The following SLC38A6 variants were observed in gnomAD, a reference collection of about 807,000 sequenced individuals.
SLC38A6 encodes solute carrier family 38 member 6.
Under a neutral mutation model 65.0 loss-of-function variants are expected in SLC38A6, and 73 were observed. That is an observed-to-expected ratio of 1.12 (90% CI 0.93 to 1.37). The LOEUF (loss-of-function observed/expected upper bound fraction) is 1.37, where lower values mean the gene tolerates loss of function less well. SLC38A6 is among the 40% of genes most tolerant of loss of function. The pLI, the probability that SLC38A6 is intolerant of heterozygous loss-of-function variation, is 0.00. For synonymous variants in SLC38A6, 183 were observed against 178.8 expected, an observed-to-expected ratio of 1.02 and a Z score of -0.19; for missense variants, 561 against 531.1, an observed-to-expected ratio of 1.06 and a Z score of -0.55.
intron 15 of SLC38A6, among the ~76,000 whole-genome samples, chr14:61,065,712 G>A (rs970708875): frequency 2.6e-5 from 4 of 152,158 alleles, no homozygotes; most frequent in Non-Finnish European, 4.4e-5. Context: ...TTTAGGGCCT[G>A]GGAATAAGGT....
At chr14:60,990,248 C>G (rs2037762244) in intron 3 of SLC38A6, among the ~76,000 whole-genome samples, 1 of 152,168 alleles carries the variant, frequency 6.6e-6, no homozygotes, top group Admixed American at 6.5e-5. Context: ...CCAGGCTGGT[C>G]TCAAACTTCT....
intron 12 of SLC38A6, chr14:61,048,041 T>G (rs1414279778): frequency 5.0e-6 from 2 of 400,168 alleles, no homozygotes; most frequent in East Asian, 1.4e-4. Context: ...ATAGAATAAA[T>G]GATACAAAAG....
chr14:60,993,902 T>C (rs546281194), intron 3 of SLC38A6, among the ~76,000 whole-genome samples: 1 of 152,308 alleles, frequency 6.6e-6, no homozygotes, highest in South Asian at 2.1e-4. Flanking sequence ...ACACATGTAT[T>C]AGAATGACAA....
chr14:61,011,111 G>T (rs1435020496), intron 3 of SLC38A6, among the ~76,000 whole-genome samples: 1 of 152,094 alleles, frequency 6.6e-6, no homozygotes, highest in African/African-American at 2.4e-5. Flanking sequence ...TTCTAAGTTG[G>T]ATTCCTAGGT....
At chr14:61,071,551 G>A (rs572341812) in intron 15 of SLC38A6, among the ~76,000 whole-genome samples, 3 of 151,926 alleles carry the variant, frequency 2.0e-5, no homozygotes, top group Non-Finnish European at 4.4e-5. Flanking sequence ...GTGTGGTGGC[G>A]TGTGGCCATA....
chr14:61,065,204 A>C (rs1322739313), intron 15 of SLC38A6, among the ~76,000 whole-genome samples: 1 of 152,144 alleles, frequency 6.6e-6, no homozygotes, highest in Non-Finnish European at 1.5e-5. Flanking sequence ...GAAAATACTA[A>C]AGATTCTCTG....
At chr14:61,003,571 C>G (rs1279170852) in intron 3 of SLC38A6, among the ~76,000 whole-genome samples, 1 of 152,132 alleles carries the variant, frequency 6.6e-6, no homozygotes. Context: ...TACCAGTTTA[C>G]ACTGTTTTCA....
At chr14:61,080,976 A>C (rs1334953790) in intron 16 of SLC38A6, among the ~76,000 whole-genome samples, 3 of 152,150 alleles carry the variant, frequency 2.0e-5, no homozygotes, top group East Asian at 1.9e-4. Flanking sequence ...TACAACACTC[A>C]CTGCTATTAA....
chr14:61,046,424 C>T (rs1195226217), intron 12 of SLC38A6, among the ~76,000 whole-genome samples: 2 of 152,270 alleles, frequency 1.3e-5, no homozygotes, highest in South Asian at 2.1e-4. Context: ...GGCTTAGGGA[C>T]ATGATTCTTT....
chr14:60,999,606 T>C (rs1278111834), intron 3 of SLC38A6, among the ~76,000 whole-genome samples: 5 of 152,164 alleles, frequency 3.3e-5, no homozygotes, highest in Non-Finnish European at 7.3e-5. Flanking sequence ...ATTGTTACCT[T>C]ATATGGCAAA....
chr14:61,040,869 AC>A (rs1483815497), intron 8 of SLC38A6, among the ~76,000 whole-genome samples: 2 of 152,180 alleles, frequency 1.3e-5, no homozygotes, highest in African/African-American at 4.8e-5. Context: ...TGGAAATTTA[AC>A]CTGGACACTA....
intron 15 of SLC38A6, among the ~76,000 whole-genome samples, chr14:61,073,088 G>T (rs189909076): frequency 1.1e-3 from 163 of 152,244 alleles, no homozygotes; most frequent in African/African-American, 3.9e-3. Flanking sequence ...TTTTATTGGG[G>T]TGAGATGATA....
intron 5 of SLC38A6, among the ~76,000 whole-genome samples, chr14:61,023,143 A>C (rs2139602540): frequency 6.6e-6 from 1 of 152,348 alleles, no homozygotes; most frequent in East Asian, 1.9e-4. Context: ...GAGACAATTG[A>C]ATATACTATG....
intron 15 of SLC38A6, among the ~76,000 whole-genome samples, chr14:61,069,848 T>G (rs1366969644): frequency 1.3e-5 from 2 of 152,162 alleles, no homozygotes; most frequent in African/African-American, 2.4e-5. Flanking sequence ...CCAGTTTTCC[T>G]CCTTGGAAGC....
At chr14:61,064,860 T>G (rs1016836681) in intron 15 of SLC38A6, among the ~76,000 whole-genome samples, 4 of 152,176 alleles carry the variant, frequency 2.6e-5, no homozygotes, top group Non-Finnish European at 4.4e-5. Context: ...GACTATAAAT[T>G]ACTTTCGTAT....
intron 5 of SLC38A6, among the ~76,000 whole-genome samples, chr14:61,026,165 A>G (rs554342511): frequency 1.2e-4 from 19 of 152,240 alleles, no homozygotes; most frequent in East Asian, 3.9e-4. Flanking sequence ...TTAAGTTTGT[A>G]TGCTTAATAA....
chr14:61,014,253 C>T (rs1441998009), intron 3 of SLC38A6, among the ~76,000 whole-genome samples: 1 of 152,114 alleles, frequency 6.6e-6, no homozygotes, highest in African/African-American at 2.4e-5. Flanking sequence ...TTAGGGACTT[C>T]TCTGCATTGG....
chr14:61,050,568 G>T lies in SLC38A6; in HGVS notation c.982G>T (p.Val328Phe), dbSNP rs2042449976. The T allele has an allele frequency of 6.3e-7, 1 of 1,595,868 alleles. No homozygotes were observed. The highest frequency in any genetic ancestry group is 1.7e-5 in the Admixed American group (1 of 59,488). ...GYSKYLSHDV[V>F]VMTVKLCILF... ...TAGTAAATACTTATCACATGATGTT[G>T]TTGTCATGACTGTGAAGTTATGCAT... The change falls in exon 13 of 16, where the codon GTT (valine) becomes TTT (phenylalanine). Residue 328 changes from valine to phenylalanine, a missense_variant. Coordinates refer to ENST00000267488, the MANE Select transcript of SLC38A6 (RefSeq NM_153811.3).
chr14:61,044,370 A>G (rs1044238175), intron 10 of SLC38A6, among the ~76,000 whole-genome samples: 6 of 152,192 alleles, frequency 3.9e-5, no homozygotes, highest in African/African-American at 1.4e-4. Flanking sequence ...TTACATGGTA[A>G]AGACCTCCAG....
Sources: gnomAD v4.1 joint callset for allele counts (sites outside exome capture counted in the v4.1 genomes callset) on GRCh38, gnomAD v4.1.1 for gene constraint, MANE v1.5 for transcripts, NCBI Gene and HGNC (gene_info 2026-07-23, HGNC 2026-07-21) for gene names.